CCSER1: variants seen among roughly 807,000 people sequenced by gnomAD.
CCSER1 encodes the protein serine-rich coiled-coil domain-containing protein 1.
In CCSER1, 41 loss-of-function variants were observed where a neutral mutation model predicts 82.0. The observed-to-expected ratio is 0.50, with a 90% CI of 0.39 to 0.65. The LOEUF is 0.65. Among genes scored for constraint, CCSER1 ranks in the 30% least tolerant of loss-of-function variants. CCSER1 has a pLI of 0.00. For missense variants in CCSER1, 1,119 were observed against 1,064.2 expected (o/e 1.05, Z -0.72); for synonymous variants, 414 against 383.9 (o/e 1.08, Z -0.92).
At chr4:90,257,828 C>T (rs959391095) in intron 1 of CCSER1, among the ~76,000 whole-genome samples, 1 of 152,092 alleles carries the variant, frequency 6.6e-6, no homozygotes, top group African/African-American at 2.4e-5. Context: ...GTGAATTCCC[C>T]CTGACTCAGC....
At chr4:91,480,427 T>C (rs1757848511) in intron 10 of CCSER1, among the ~76,000 whole-genome samples, 1 of 152,208 alleles carries the variant, frequency 6.6e-6, no homozygotes, top group Non-Finnish European at 1.5e-5. Flanking sequence ...ATTTTAATGA[T>C]CACCATTCTA....
chr4:91,376,466 C>A (rs1405295834), intron 10 of CCSER1, among the ~76,000 whole-genome samples: 1 of 152,060 alleles, frequency 6.6e-6, no homozygotes, highest in African/African-American at 2.4e-5. Flanking sequence ...TCTAATAGGA[C>A]CACTGTCACA....
intron 10 of CCSER1, among the ~76,000 whole-genome samples, chr4:91,337,865 T>A (rs553408947): frequency 6.6e-6 from 1 of 152,200 alleles, no homozygotes; most frequent in African/African-American, 2.4e-5. Context: ...ACTTTAAAGA[T>A]CTTATCACGT....
In CCSER1 at chr4:90,225,337, A is replaced by G. The variant is rs541288100; in HGVS notation, c.-41-82907A>G. 6.0e-5 allele frequency among the ~76,000 whole-genome samples: 9 copies of G among 151,248 alleles called. No homozygotes were observed. In the South Asian group the frequency reaches 1.5e-3, roughly 25 times the overall value. On this transcript the variant is annotated intron_variant, in intron 1 of 10. Coordinates refer to ENST00000509176, the MANE Select transcript of CCSER1 (RefSeq NM_001145065.2). The stretch of plus-strand genomic sequence containing the variant: ...GCCTTCTGCCCACCATGGCCTCCTA[A>G]AGTGCTGGGATTACAGGCATGAGCC...
At chr4:91,423,012 A>G (rs1463021172) in intron 10 of CCSER1, among the ~76,000 whole-genome samples, 2 of 152,164 alleles carry the variant, frequency 1.3e-5, no homozygotes, top group African/African-American at 4.8e-5. Flanking sequence ...TTAAGACATA[A>G]TTCTACTAAT....
chr4:90,639,549 A>C (rs1726100590), intron 6 of CCSER1, among the ~76,000 whole-genome samples: 1 of 152,028 alleles, frequency 6.6e-6, no homozygotes, highest in Admixed American at 6.6e-5. Context: ...AAAGAAATTG[A>C]GATAGAAGGG....
At chr4:91,122,122 G>A (rs1013006421) in intron 10 of CCSER1, among the ~76,000 whole-genome samples, 1 of 151,556 alleles carries the variant, frequency 6.6e-6, no homozygotes, top group Non-Finnish European at 1.5e-5. Flanking sequence ...GATTCTAAGG[G>A]ACTAAGCTTG....
chr4:91,364,775 G>A (rs984295377), intron 10 of CCSER1, among the ~76,000 whole-genome samples: 3 of 151,878 alleles, frequency 2.0e-5, no homozygotes, highest in Admixed American at 2.0e-4. Flanking sequence ...CCAAATTTTG[G>A]AGATATTTAT....
rs72659483 is a variant in CCSER1 at position 90,221,192 on chromosome 4, G to T, written c.-41-87052G>T. ...AAATCCTAAACTATTATAAGTTTCCGTGGAAATATGCTTAATGGTAGTCTA... is the reference window on the plus strand; with the variant it reads ...AAATCCTAAACTATTATAAGTTTCCTTGGAAATATGCTTAATGGTAGTCTA... On this transcript the variant is annotated intron_variant, in intron 1 of 10. Coordinates refer to ENST00000509176, the MANE Select transcript of CCSER1 (RefSeq NM_001145065.2). 7.2e-3 allele frequency among the ~76,000 whole-genome samples: 1,092 copies of T among 152,204 alleles called. 10 individuals are homozygous for T. Among genetic ancestry groups the T allele is most frequent in the Admixed American group, 0.011 (166 of 15,278 alleles).
chr4:90,173,621 G>A (rs537013477), intron 1 of CCSER1, among the ~76,000 whole-genome samples: 2 of 152,036 alleles, frequency 1.3e-5, no homozygotes, highest in East Asian at 3.9e-4. Flanking sequence ...ATTAAGGTGA[G>A]CAATCCAAGA....
intron 5 of CCSER1, among the ~76,000 whole-genome samples, chr4:90,570,379 G>A (rs1779953991): frequency 1.3e-5 from 2 of 152,094 alleles, no homozygotes; most frequent in African/African-American, 4.8e-5. Context: ...CATTGGCTGG[G>A]CTGAAAACCC....
intron 10 of CCSER1, among the ~76,000 whole-genome samples, chr4:91,133,213 T>C (rs982250243): frequency 6.6e-6 from 1 of 152,176 alleles, no homozygotes; most frequent in Non-Finnish European, 1.5e-5. Context: ...CTTCTCTTCC[T>C]ACCCCCTCCT....
chr4:91,377,527 G>C (rs932239535), intron 10 of CCSER1, among the ~76,000 whole-genome samples: 2 of 152,150 alleles, frequency 1.3e-5, no homozygotes, highest in Admixed American at 6.6e-5. Flanking sequence ...TCATGTATTT[G>C]TTGGCTGCAT....
intron 5 of CCSER1, among the ~76,000 whole-genome samples, chr4:90,539,687 T>G (rs926649631): frequency 6.6e-6 from 1 of 152,094 alleles, no homozygotes; most frequent in Non-Finnish European, 1.5e-5. Flanking sequence ...ATAAGTAAGA[T>G]TTACTTTCTG....
At chr4:90,948,893 C>T (rs1452583643) in intron 9 of CCSER1, among the ~76,000 whole-genome samples, 1 of 151,900 alleles carries the variant, frequency 6.6e-6, no homozygotes, top group African/African-American at 2.4e-5. Context: ...TATAATACCA[C>T]GTACTGACCA....
chr4:91,071,226 G>A (rs1228790602), intron 9 of CCSER1, among the ~76,000 whole-genome samples: 1 of 152,150 alleles, frequency 6.6e-6, no homozygotes, highest in Non-Finnish European at 1.5e-5. Context: ...AAAGATCCCT[G>A]TCTTTGAGGT....
chr4:91,454,049 A>C (rs1016721722), intron 10 of CCSER1, among the ~76,000 whole-genome samples: 2 of 152,094 alleles, frequency 1.3e-5, no homozygotes, highest in African/African-American at 4.8e-5. Context: ...TGAGCTCCAG[A>C]ACTTTCATAT....
At chr4:91,270,524 CAT>C (rs1477863150) in intron 10 of CCSER1, among the ~76,000 whole-genome samples, 2 of 152,068 alleles carry the variant, frequency 1.3e-5, no homozygotes, top group African/African-American at 2.4e-5. Context: ...GTGACAGACT[CAT>C]GTGCTTATTA....
intron 3 of CCSER1, among the ~76,000 whole-genome samples, chr4:90,371,998 A>G (rs1295412874): frequency 6.6e-6 from 1 of 152,226 alleles, no homozygotes; most frequent in Non-Finnish European, 1.5e-5. Flanking sequence ...ATGTGTTCAC[A>G]TATTAACCCA....
Sources: gnomAD v4.1 joint callset for allele counts (sites outside exome capture counted in the v4.1 genomes callset) on GRCh38, gnomAD v4.1.1 for gene constraint, MANE v1.5 for transcripts, NCBI Gene and HGNC (gene_info 2026-07-23, HGNC 2026-07-21) for gene names.